The following DPP10 variants were observed in gnomAD, a reference collection of about 807,000 sequenced individuals.
DPP10 encodes inactive dipeptidyl peptidase 10.
DPP10 carries 33 observed loss-of-function variants against 120.9 expected under a neutral mutation model. The observed-to-expected ratio is 0.27, with a 90% CI of 0.21 to 0.37. DPP10 has a LOEUF of 0.37. Ranked by LOEUF, DPP10 falls within the 10% of genes least tolerant of loss-of-function variation. DPP10 has a pLI of 1.00. For missense variants in DPP10, 816 were observed against 942.8 expected (o/e 0.87, Z 1.76); for synonymous variants, 337 against 326.1 (o/e 1.03, Z -0.36).
intron 1 of DPP10, among the ~76,000 whole-genome samples, chr2:114,760,202 AG>A (rs2106096082): frequency 6.6e-6 from 1 of 152,210 alleles, no homozygotes; most frequent in Admixed American, 6.5e-5. Flanking sequence ...GGCTGCTAAT[AG>A]TCCCCAGCAG....
At chr2:115,517,486 A>G (rs1558786730) in intron 4 of DPP10, among the ~76,000 whole-genome samples, 1 of 152,116 alleles carries the variant, frequency 6.6e-6, no homozygotes, top group Non-Finnish European at 1.5e-5. Context: ...ATCATCTTAT[A>G]CTTCCCTTTA....
At chr2:115,509,223 A>G (rs2077098720) in intron 4 of DPP10, among the ~76,000 whole-genome samples, 1 of 152,188 alleles carries the variant, frequency 6.6e-6, no homozygotes, top group Non-Finnish European at 1.5e-5. Flanking sequence ...TGGATGGCCT[A>G]GGCTTGAGAT....
intron 1 of DPP10, among the ~76,000 whole-genome samples, chr2:115,060,150 C>G (rs895355385): frequency 6.6e-6 from 1 of 150,432 alleles, no homozygotes; most frequent in African/African-American, 2.4e-5. Context: ...AGTTAACACA[C>G]CATATAAATG....
At chr2:115,326,241 T>G (rs113788697) in intron 2 of DPP10, among the ~76,000 whole-genome samples, 2,780 of 152,144 alleles carry the variant, frequency 0.018, 31 homozygotes, top group African/African-American at 0.039. Context: ...GTGGTCCCAT[T>G]TGATTGTAAT....
rs1179836344 is a variant in DPP10 at position 114,799,683 on chromosome 2, T to C, written c.60+356845T>C. On this transcript the variant is annotated intron_variant, in intron 1 of 25. Transcript: ENST00000410059. ...GTGGCAAGCAACTAGTTTTTGTTTT[T>C]ACACAGGGAAAAATATGGAAGCAGT... Among the ~76,000 whole-genome samples, 10 of 152,228 alleles carry C rather than the reference T, an allele frequency of 6.6e-5. No homozygotes were observed. The East Asian group carries it at 1.9e-3, about 29-fold the overall frequency.
intron 21 of DPP10, among the ~76,000 whole-genome samples, chr2:115,831,134 T>C (rs762387610): frequency 4.6e-5 from 7 of 152,236 alleles, no homozygotes; most frequent in African/African-American, 7.2e-5. Flanking sequence ...TAATAAAATT[T>C]ATCTTGTATT....
rs548102749 is a variant in DPP10, at chr2:114,577,529, C to T, written c.60+134691C>T. On this transcript the variant is annotated intron_variant, in intron 1 of 25. Transcript: ENST00000410059. ...CATTGATGACGAGGCCGGAGGGGCT[C>T]TTTTTTGCCATACTTTCTTAAAGCA... Among the ~76,000 whole-genome samples the T allele has an allele frequency of 2.0e-5, 3 of 152,262 alleles. No individual in the cohort carries two copies. In the East Asian group the frequency reaches 5.8e-4, roughly 29 times the overall value.
intron 1 of DPP10, among the ~76,000 whole-genome samples, chr2:114,509,196 T>A (rs1683933364): frequency 6.6e-6 from 1 of 152,240 alleles, no homozygotes; most frequent in Non-Finnish European, 1.5e-5. Flanking sequence ...GCTCTGAAAG[T>A]GTTCCAGGGA....
At chr2:115,254,503 A>G (rs1300108062) in intron 1 of DPP10, among the ~76,000 whole-genome samples, 1 of 152,210 alleles carries the variant, frequency 6.6e-6, no homozygotes, top group African/African-American at 2.4e-5. Flanking sequence ...GCAATTTAAA[A>G]TGCAGTAACG....
At chr2:115,573,238 C>G (rs2081441377) in intron 5 of DPP10, among the ~76,000 whole-genome samples, 1 of 150,484 alleles carries the variant, frequency 6.6e-6, no homozygotes, top group South Asian at 2.1e-4. Flanking sequence ...ACTAGCCCTG[C>G]AGGACATACA....
chr2:114,470,334 C>T (rs1679805515), intron 1 of DPP10, among the ~76,000 whole-genome samples: 1 of 152,158 alleles, frequency 6.6e-6, no homozygotes, highest in Non-Finnish European at 1.5e-5. Context: ...TGAGAAAAAG[C>T]ATCAAGGGTT....
At chr2:114,536,832 T>G (rs1205107291) in intron 1 of DPP10, among the ~76,000 whole-genome samples, 1 of 152,200 alleles carries the variant, frequency 6.6e-6, no homozygotes, top group Non-Finnish European at 1.5e-5. Flanking sequence ...TCCTTCTGTC[T>G]TTTCCTGATA....
At chr2:115,309,120 G>T in intron 1 of DPP10, 119 bp from the exon 2 acceptor site, 1 of 724,658 alleles carries the variant, frequency 1.4e-6, no homozygotes. Context: ...CTACTGAAGA[G>T]GAAATGGATT....
In DPP10 at chr2:115,671,970, A is replaced by T. The variant is rs566634833; in HGVS notation, c.442-17717A>T. On this transcript the variant is annotated intron_variant, in intron 5 of 25. Transcript: ENST00000410059. ...AAACAATATATTTTATTATGTGCAT[A>T]TTCTGTTATTCATAGTGTATTCAAA... is the stretch of plus-strand genomic sequence containing the variant. Among the ~76,000 whole-genome samples the T allele has an allele frequency of 2.0e-5, 3 of 152,290 alleles. No homozygotes were observed. In the South Asian group the frequency reaches 6.2e-4, roughly 32 times the overall value.
Position 115,208,334 on chromosome 2 carries a change from G to A in DPP10, c.61-100905G>A, listed in dbSNP as rs1057172648. Reference sequence around the variant, plus strand: ...CCTGCCTCAGCCTCCCAAGTAGCTGGGATTACAGGCATCTGCCACTGCACC... The same window carrying A: ...CCTGCCTCAGCCTCCCAAGTAGCTGAGATTACAGGCATCTGCCACTGCACC... On this transcript the variant is annotated intron_variant, in intron 1 of 25. Coordinates refer to ENST00000410059, the MANE Select transcript of DPP10 (RefSeq NM_020868.6). 2.6e-5 allele frequency among the ~76,000 whole-genome samples: 4 copies of A among 151,656 alleles called. No individual in the cohort carries two copies. In the South Asian group the frequency reaches 8.4e-4, roughly 32 times the overall value.
chr2:114,918,545 T>G (rs1212142330), intron 1 of DPP10, among the ~76,000 whole-genome samples: 1 of 152,138 alleles, frequency 6.6e-6, no homozygotes, highest in Non-Finnish European at 1.5e-5. Context: ...GGAATCAACC[T>G]TGATGCCCAC....
At chr2:115,766,127 A>G (rs1050568494) in intron 12 of DPP10, among the ~76,000 whole-genome samples, 11 of 151,778 alleles carry the variant, frequency 7.2e-5, no homozygotes, top group African/African-American at 2.7e-4. Context: ...TGGGGCTTAC[A>G]TTACAGAGAA....
intron 1 of DPP10, among the ~76,000 whole-genome samples, chr2:114,858,138 C>T (rs987069122): frequency 3.3e-5 from 5 of 152,012 alleles, no homozygotes; most frequent in South Asian, 2.1e-4. Context: ...TACAGATGCA[C>T]GCCGCCACAC....
At chr2:115,677,435 C>T (rs566430265) in intron 5 of DPP10, among the ~76,000 whole-genome samples, 11 of 151,890 alleles carry the variant, frequency 7.2e-5, no homozygotes, top group African/African-American at 2.7e-4. Flanking sequence ...CAATAACTGA[C>T]TAGCATGTAA....
Sources: allele counts gnomAD v4.1 joint callset (sites outside exome capture counted in the v4.1 genomes callset), GRCh38; gene constraint gnomAD v4.1.1; transcripts MANE v1.5; gene names NCBI Gene and HGNC (gene_info 2026-07-23, HGNC 2026-07-21).